RAB11FIP3: variants seen among roughly 807,000 people sequenced by gnomAD.
The protein encoded by RAB11FIP3 is RAB11 family interacting protein 3.
RAB11FIP3 carries 17 observed loss-of-function variants against 77.8 expected under a neutral mutation model. The ratio of observed to expected loss-of-function variants is 0.22; its 90% CI spans 0.15 to 0.33. RAB11FIP3 has a LOEUF of 0.33. Ranked by LOEUF, RAB11FIP3 falls within the 10% of genes least tolerant of loss-of-function variation. RAB11FIP3 has a pLI of 1.00. For synonymous variants in RAB11FIP3, 437 were observed against 448.2 expected, an observed-to-expected ratio of 0.98 and a Z score of 0.31; for missense variants, 1,005 against 1,011.2, an observed-to-expected ratio of 0.99 and a Z score of 0.08.
chr16:501,593 TG>T (rs1275854831), intron 6 of RAB11FIP3, among the ~76,000 whole-genome samples: 8 of 140,234 alleles, frequency 5.7e-5, no homozygotes, highest in African/African-American at 2.2e-4. Flanking sequence ...GCAAGGAAGC[TG>T]GGAGAGGGTC....
chr16:475,932 C>G (rs1351558384), intron 3 of RAB11FIP3, among the ~76,000 whole-genome samples: 3 of 152,190 alleles, frequency 2.0e-5, no homozygotes, highest in African/African-American at 7.2e-5. Flanking sequence ...TCTTGGCTCA[C>G]TGCAACCTCC....
At chr16:429,404 A>G (rs1567350948) in intron 1 of RAB11FIP3, among the ~76,000 whole-genome samples, 2 of 152,094 alleles carry the variant, frequency 1.3e-5, no homozygotes. Context: ...AAGTTTTTGT[A>G]CTTTCTACCT....
chr16:517,767 G>A (rs1474880146), intron 9 of RAB11FIP3, among the ~76,000 whole-genome samples: 1 of 152,104 alleles, frequency 6.6e-6, no homozygotes, highest in African/African-American at 2.4e-5. Flanking sequence ...CACTGTGTCT[G>A]CTACTTCTTT....
intron 1 of RAB11FIP3, among the ~76,000 whole-genome samples, chr16:441,630 G>C (rs1267437172): frequency 6.6e-6 from 1 of 152,224 alleles, no homozygotes; most frequent in Admixed American, 6.5e-5. Context: ...GACTAGCCTG[G>C]AGTTGGTGCC....
chr16:457,818 G>A (rs563807154), intron 1 of RAB11FIP3, among the ~76,000 whole-genome samples: 19 of 152,286 alleles, frequency 1.2e-4, no homozygotes, highest in African/African-American at 4.3e-4. Context: ...GGAATCTTCA[G>A]GACAGATTGG....
At chr16:448,430 G>A (rs895626630) in intron 1 of RAB11FIP3, among the ~76,000 whole-genome samples, 4 of 150,204 alleles carry the variant, frequency 2.7e-5, no homozygotes, top group Non-Finnish European at 4.4e-5. Context: ...ATGGAGAAAC[G>A]CCGTCTACTA....
At chr16:509,899 T>C (rs1260751903) in intron 8 of RAB11FIP3, among the ~76,000 whole-genome samples, 1 of 152,226 alleles carries the variant, frequency 6.6e-6, no homozygotes, top group East Asian at 1.9e-4. Context: ...CTGACTGTAC[T>C]GCAGCTGAAG....
intron 4 of RAB11FIP3, among the ~76,000 whole-genome samples, chr16:486,898 G>C (rs2056165601): frequency 6.6e-6 from 1 of 152,214 alleles, no homozygotes; most frequent in South Asian, 2.1e-4. Context: ...TCCCCTCAGA[G>C]GGCAGTTTTC....
In RAB11FIP3 at chr16:506,237, C is replaced by T. The variant is rs745315356; in HGVS notation, c.1499+610C>T. 6.0e-5 allele frequency among the ~76,000 whole-genome samples: 9 copies of T among 148,906 alleles called. No homozygotes were observed. Among genetic ancestry groups the T allele is most frequent in the Non-Finnish European group, 9.0e-5 (6 of 66,822 alleles). On this transcript the variant is annotated intron_variant, in intron 8 of 13. Transcript: ENST00000262305. This position sits in a 1 kb window ranked among gnomAD's most constrained non-coding sequence, Gnocchi z 4.5. ...CGTGTAATTCTCGGTGTTTTTCACA[C>T]GAGGCACGCCATGTTGTCTCATAGC... is the stretch of plus-strand genomic sequence containing the variant.
rs185913228 is a variant in RAB11FIP3, at chr16:493,821, G to T, written c.1266-3003G>T. Among the ~76,000 whole-genome samples the T allele has an allele frequency of 1.3e-4, 19 of 146,760 alleles. No homozygotes were observed. In the South Asian group the frequency reaches 2.3e-3, roughly 18 times the overall value. On this transcript the variant is annotated intron_variant, in intron 5 of 13. Coordinates refer to ENST00000262305, the MANE Select transcript of RAB11FIP3 (RefSeq NM_014700.4). ...GGGGTTTCACCATGTCTCAATCTCC[G>T]GACCTCGTGATCCGCCCGCCTTGAC...
intron 4 of RAB11FIP3, among the ~76,000 whole-genome samples, chr16:485,034 A>G (rs1163819315): frequency 6.6e-6 from 1 of 151,948 alleles, no homozygotes; most frequent in Non-Finnish European, 1.5e-5. Context: ...CCGGGTGACT[A>G]ATAAGGCATG....
intron 9 of RAB11FIP3, among the ~76,000 whole-genome samples, chr16:515,783 G>T (rs981622682): frequency 2.0e-5 from 3 of 152,264 alleles, no homozygotes; most frequent in Non-Finnish European, 2.9e-5. Flanking sequence ...CACGGACCGG[G>T]GTTTGCATCT....
chr16:468,474 C>A (rs960000189), intron 2 of RAB11FIP3, among the ~76,000 whole-genome samples: 1 of 152,068 alleles, frequency 6.6e-6, no homozygotes, highest in African/African-American at 2.4e-5. Flanking sequence ...GGAATTATTT[C>A]ATAGCATTTA....
intron 6 of RAB11FIP3, among the ~76,000 whole-genome samples, chr16:499,795 C>CAAAAA (rs11319631): frequency 5.6e-5 from 3 of 53,940 alleles, no homozygotes; most frequent in Non-Finnish European, 8.0e-5. Context: ...AAGACTGTCT[C>CAAAAA]AAAAAAAAAA....
At chr16:485,200 A>T (rs535103516) in intron 4 of RAB11FIP3, among the ~76,000 whole-genome samples, 1 of 152,132 alleles carries the variant, frequency 6.6e-6, no homozygotes. Context: ...CACGTGGGTC[A>T]GTGAGCGTGG....
intron 9 of RAB11FIP3, among the ~76,000 whole-genome samples, chr16:513,919 A>G (rs1309604454): frequency 1.3e-5 from 2 of 152,194 alleles, no homozygotes; most frequent in African/African-American, 2.4e-5. Context: ...TGGGCTCAAA[A>G]TTAAAGTACG....
intron 3 of RAB11FIP3, among the ~76,000 whole-genome samples, chr16:480,647 C>T (rs935340720): frequency 4.6e-5 from 7 of 151,992 alleles, no homozygotes; most frequent in Middle Eastern, 3.4e-3. Context: ...CTACAGGTGC[C>T]CGCCACCACA....
At position 522,165 on chromosome 16, in the gene RAB11FIP3, A is replaced by T. The variant is rs2032727862; in HGVS notation, c.*1326A>T. The T allele has an allele frequency of 6.6e-6, 1 of 151,820 alleles. No individual in the cohort carries two copies. The highest frequency in any genetic ancestry group is 1.5e-5 in the Non-Finnish European group (1 of 67,968). 9.4% of individuals were successfully genotyped at this position (151,820 alleles called of 1,614,324 possible). A position where few individuals can be genotyped will look rare whatever the true frequency, so the allele number is the denominator to read the frequency against. ...AACTTGGAGGAGAGATTTTTCTATC[A>T]TGTAGAGTAGGTATTTTTTATAGAT... On this transcript the variant is annotated 3_prime_UTR_variant, in exon 14 of 14. Transcript: ENST00000262305.
intron 1 of RAB11FIP3, among the ~76,000 whole-genome samples, chr16:431,644 G>A (rs985736189): frequency 2.6e-5 from 4 of 152,158 alleles, no homozygotes; most frequent in Admixed American, 2.0e-4. Flanking sequence ...CAAAGTGTTG[G>A]GATTACAGAT....
Sources: allele counts gnomAD v4.1 joint callset (sites outside exome capture counted in the v4.1 genomes callset), GRCh38; gene constraint gnomAD v4.1.1; non-coding constraint Gnocchi (gnomAD v3.1); transcripts MANE v1.5; gene names NCBI Gene and HGNC (gene_info 2026-07-23, HGNC 2026-07-21).